The following COL25A1 variants were observed in gnomAD, a reference collection of about 807,000 sequenced individuals.
COL25A1 encodes the protein collagen type XXV alpha 1 chain, also known as collagen alpha-1(XXV) chain.
In COL25A1, 103 loss-of-function variants were observed where a neutral mutation model predicts 128.4. The observed-to-expected ratio is 0.80, with a 90% CI of 0.68 to 0.94. COL25A1 has a LOEUF of 0.94. Among genes scored for constraint, COL25A1 ranks in the 40% least tolerant of loss-of-function variants. The pLI is 0.00. For missense variants in COL25A1, 745 were observed against 840.0 expected, an observed-to-expected ratio of 0.89 and a Z score of 1.40; for synonymous variants, 279 against 277.2, an observed-to-expected ratio of 1.01 and a Z score of -0.06.
chr4:109,103,966 T>C (rs1438698883), intron 3 of COL25A1, among the ~76,000 whole-genome samples: 2 of 152,244 alleles, frequency 1.3e-5, no homozygotes, highest in African/African-American at 4.8e-5. Context: ...TTCTTTTCTA[T>C]AGAAATTATG....
At chr4:109,048,933 C>T (rs563183688) in intron 4 of COL25A1, among the ~76,000 whole-genome samples, 2 of 151,766 alleles carry the variant, frequency 1.3e-5, no homozygotes, top group African/African-American at 4.8e-5. Flanking sequence ...ATAAAGTGTC[C>T]TCTATTAGAA....
At chr4:109,090,077 A>G (rs1764763057) in intron 3 of COL25A1, among the ~76,000 whole-genome samples, 1 of 152,222 alleles carries the variant, frequency 6.6e-6, no homozygotes, top group African/African-American at 2.4e-5. Context: ...TAATATAAAC[A>G]TGTAAAATGT....
At chr4:109,145,634 T>A (rs1770866358) in intron 3 of COL25A1, among the ~76,000 whole-genome samples, 1 of 151,292 alleles carries the variant, frequency 6.6e-6, no homozygotes, top group Admixed American at 6.6e-5. Flanking sequence ...AGGTCAGGAG[T>A]TTTGAAACCA....
At chr4:109,152,064 T>C (rs562226758) in intron 3 of COL25A1, among the ~76,000 whole-genome samples, 10 of 151,156 alleles carry the variant, frequency 6.6e-5, no homozygotes, top group African/African-American at 2.4e-4. Flanking sequence ...ATATGAACAG[T>C]TAATTTTCAA....
chr4:109,112,208 T>C (rs181513708), intron 3 of COL25A1, among the ~76,000 whole-genome samples: 1 of 152,164 alleles, frequency 6.6e-6, no homozygotes, highest in Non-Finnish European at 1.5e-5. Flanking sequence ...ACTGTTGTTA[T>C]AGGAGATCTT....
chr4:109,132,582 A>G (rs1217140974), intron 3 of COL25A1, among the ~76,000 whole-genome samples: 3 of 152,342 alleles, frequency 2.0e-5, no homozygotes, highest in Admixed American at 2.0e-4. Context: ...AAATAATCAT[A>G]GAATCAATTT....
chr4:108,863,256 T>C, intron 21 of COL25A1, 63 bp downstream of exon 21: 1 of 1,514,904 alleles, frequency 6.6e-7, no homozygotes, highest in Non-Finnish European at 9.2e-7. Flanking sequence ...TTGTTTTAGT[T>C]TTTTGTGTTC....
intron 3 of COL25A1, among the ~76,000 whole-genome samples, chr4:109,125,022 C>T (rs1403092653): frequency 6.6e-6 from 1 of 151,964 alleles, no homozygotes; most frequent in Non-Finnish European, 1.5e-5. Context: ...GCAAAACCCC[C>T]CCACACTTTT....
intron 3 of COL25A1, among the ~76,000 whole-genome samples, chr4:109,117,298 T>C (rs574618333): frequency 1.4e-3 from 207 of 152,102 alleles, no homozygotes; most frequent in African/African-American, 4.7e-3. Flanking sequence ...CTAAATAGAA[T>C]AAGAATTACG....
intron 3 of COL25A1, among the ~76,000 whole-genome samples, chr4:109,260,461 T>C (rs753350219): frequency 6.6e-6 from 1 of 152,150 alleles, no homozygotes; most frequent in Non-Finnish European, 1.5e-5. Context: ...CTTGAAAGTA[T>C]ACTGTTTGTT....
At chr4:108,840,327 A>C (rs1365149901) in intron 31 of COL25A1, among the ~76,000 whole-genome samples, 1 of 151,540 alleles carries the variant, frequency 6.6e-6, no homozygotes, top group Non-Finnish European at 1.5e-5. Flanking sequence ...TTAAACGACT[A>C]CTAAGATCAC....
chr4:108,920,057 T>C, intron 12 of COL25A1, among the ~76,000 whole-genome samples: 1 of 152,192 alleles, frequency 6.6e-6, no homozygotes, highest in Non-Finnish European at 1.5e-5. Context: ...CCACTGTGCC[T>C]GGCCTCTCCA....
intron 3 of COL25A1, among the ~76,000 whole-genome samples, chr4:109,223,018 C>T (rs762838266): frequency 5.3e-5 from 8 of 152,154 alleles, no homozygotes; most frequent in Non-Finnish European, 1.2e-4. Flanking sequence ...CTGATCCTCT[C>T]GCCCTCAGCT....
chr4:109,006,381 T>TA (rs1378698612), intron 6 of COL25A1, among the ~76,000 whole-genome samples: 1 of 25,814 alleles, frequency 3.9e-5, no homozygotes, highest in African/African-American at 2.1e-4. Context: ...CCAGCTAATT[T>TA]TTTTTTTTTT....
At chr4:108,939,773 T>C (rs1002434828) in intron 10 of COL25A1, among the ~76,000 whole-genome samples, 1 of 152,066 alleles carries the variant, frequency 6.6e-6, no homozygotes, top group African/African-American at 2.4e-5. Context: ...ATAAAATAAA[T>C]CTAAAATTTT....
At chr4:108,898,598 T>C (rs1484721713) in intron 15 of COL25A1, among the ~76,000 whole-genome samples, 1 of 152,174 alleles carries the variant, frequency 6.6e-6, no homozygotes, top group African/African-American at 2.4e-5. Context: ...TTTTTGGTTT[T>C]TATGGGAATT....
chr4:108,918,844 T>C (rs182283755), intron 12 of COL25A1, among the ~76,000 whole-genome samples: 175 of 152,290 alleles, frequency 1.1e-3, no homozygotes, highest in African/African-American at 3.6e-3. Flanking sequence ...TGTAAGCACG[T>C]GTGGGCGTGT....
chr4:109,244,975 A>T (rs1340808055), intron 3 of COL25A1, among the ~76,000 whole-genome samples: 6 of 152,288 alleles, frequency 3.9e-5, no homozygotes, highest in Middle Eastern at 3.4e-3. Context: ...TACACTGGAT[A>T]ACTTTAAAAA....
chr4:109,112,340 T>C (rs1357732000), intron 3 of COL25A1, among the ~76,000 whole-genome samples: 1 of 152,148 alleles, frequency 6.6e-6, no homozygotes, highest in Non-Finnish European at 1.5e-5. Context: ...TCTATTTTTC[T>C]TAAAGTAAAT....
Sources: gnomAD v4.1 joint callset for allele counts (sites outside exome capture counted in the v4.1 genomes callset) on GRCh38, gnomAD v4.1.1 for gene constraint, MANE v1.5 for transcripts, NCBI Gene and HGNC (gene_info 2026-07-23, HGNC 2026-07-21) for gene names.